Variants in PRC1 observed in about 807,000 individuals in gnomAD.
PRC1 encodes anaphase spindle elongation 1 homolog.
PRC1 carries 54 observed loss-of-function variants against 91.2 expected under a neutral mutation model. The observed-to-expected ratio is 0.59, with a 90% CI of 0.48 to 0.74. PRC1 has a LOEUF of 0.74. Among genes scored for constraint, PRC1 ranks in the 30% least tolerant of loss-of-function variants. PRC1 has a pLI of 0.00. For synonymous variants in PRC1, 275 were observed against 263.6 expected (o/e 1.04, Z -0.42); for missense variants, 727 against 746.2 (o/e 0.97, Z 0.30).
chr15:90,990,047 T>A (rs926214142), intron 1 of PRC1, among the ~76,000 whole-genome samples: 2 of 151,480 alleles, frequency 1.3e-5, no homozygotes, highest in African/African-American at 4.9e-5. Flanking sequence ...AACAATAAAA[T>A]TTTTTTTTAG....
chr15:90,980,469 G>C, intron 6 of PRC1, 80 bp from the exon 7 acceptor site: 1 of 1,073,326 alleles, frequency 9.3e-7, no homozygotes, highest in South Asian at 1.6e-5. Context: ...CCCCTTTTAA[G>C]TAAAATTATA....
At chr15:90,970,237 GT>G (rs2037992033) in intron 12 of PRC1, among the ~76,000 whole-genome samples, 166 bp downstream of exon 12, 2 of 152,120 alleles carry the variant, frequency 1.3e-5, no homozygotes, top group Non-Finnish European at 2.9e-5. Context: ...TTGCACGTTA[GT>G]TTTGGACCAT....
chr15:90,979,065 A>G (rs1178262869), intron 8 of PRC1, 93 bp downstream of exon 8: 2 of 1,408,006 alleles, frequency 1.4e-6, no homozygotes, highest in Non-Finnish European at 1.9e-6. Flanking sequence ...AAGATGGGGT[A>G]TCAAAAGCCT....
chr15:90,970,555 T>C, intron 11 of PRC1, 41 bp from the exon 12 acceptor site: 1 of 1,391,012 alleles, frequency 7.2e-7, no homozygotes, highest in Non-Finnish European at 1.0e-6. Flanking sequence ...TGCAGTAACA[T>C]CCTCAGCATT....
intron 1 of PRC1, among the ~76,000 whole-genome samples, chr15:90,987,015 T>G: frequency 6.6e-6 from 1 of 151,358 alleles, no homozygotes; most frequent in South Asian, 2.1e-4. Flanking sequence ...AGTTCACGCC[T>G]GTATTCCTAG....
chr15:90,994,256 G>T, intron 1 of PRC1, 151 bp downstream of exon 1: 1 of 1,236,374 alleles, frequency 8.1e-7, no homozygotes, highest in Non-Finnish European at 1.1e-6. Flanking sequence ...TCCAGACCCT[G>T]CCCCTCAGCG....
intron 13 of PRC1, 110 bp from the exon 14 acceptor site, chr15:90,969,230 G>T: frequency 7.7e-7 from 1 of 1,299,962 alleles, no homozygotes; most frequent in South Asian, 1.2e-5. Flanking sequence ...TTAAGCAGAA[G>T]GATCCAGGTT....
chr15:90,969,790 A>ATATATATG (rs1555450083), intron 12 of PRC1, among the ~76,000 whole-genome samples, 167 bp from the exon 13 acceptor site: 50 of 108,840 alleles, frequency 4.6e-4, no homozygotes, highest in African/African-American at 1.9e-3. Flanking sequence ...ATATATATAT[A>ATATATATG]TATATATATA....
At chr15:90,969,719 T>C (rs2037892760) in intron 12 of PRC1, 96 bp from the exon 13 acceptor site, 1 of 859,488 alleles carries the variant, frequency 1.2e-6, no homozygotes, top group Admixed American at 2.9e-5. Flanking sequence ...AGACTATCTT[T>C]ATATTCATGT....
chr15:90,978,977 G>A (rs1057039758), intron 8 of PRC1, among the ~76,000 whole-genome samples, 181 bp downstream of exon 8: 4 of 152,004 alleles, frequency 2.6e-5, no homozygotes, highest in Non-Finnish European at 4.4e-5. Context: ...TTAATTTTGG[G>A]CTTTTCTCTT....
At chr15:90,991,013 G>A (rs1375132113) in intron 1 of PRC1, among the ~76,000 whole-genome samples, 2 of 151,682 alleles carry the variant, frequency 1.3e-5, no homozygotes, top group African/African-American at 2.4e-5. Context: ...TCCTGACCTC[G>A]TGATCCGACC....
chr15:90,973,640 T>C (rs926459875), intron 11 of PRC1, among the ~76,000 whole-genome samples: 11 of 151,332 alleles, frequency 7.3e-5, no homozygotes, highest in African/African-American at 2.7e-4. Flanking sequence ...TATTCTTAGA[T>C]AGGAGAAAAC....
At chr15:90,976,797 T>C (rs1277531470) in intron 8 of PRC1, 26 bp from the exon 9 acceptor site, 3 of 1,564,864 alleles carry the variant, frequency 1.9e-6, no homozygotes, top group South Asian at 2.2e-5. Context: ...TTTTAATTAG[T>C]GGAAAACCTG....
At chr15:90,973,858 C>T (rs1567184952) in intron 11 of PRC1, among the ~76,000 whole-genome samples, 3 of 151,994 alleles carry the variant, frequency 2.0e-5, no homozygotes, top group South Asian at 2.1e-4. Flanking sequence ...GTCCTCCTGC[C>T]GCATTCCCCT....
chr15:90,969,907 A>T (rs1341911594), intron 12 of PRC1, among the ~76,000 whole-genome samples: 1 of 151,870 alleles, frequency 6.6e-6, no homozygotes, highest in African/African-American at 2.4e-5. Flanking sequence ...ACATAGCAAA[A>T]CACTGTCTCT....
At chr15:90,977,788 G>T (rs2038860978) in intron 8 of PRC1, among the ~76,000 whole-genome samples, 1 of 151,904 alleles carries the variant, frequency 6.6e-6, no homozygotes, top group South Asian at 2.1e-4. Context: ...GGGTTTCACT[G>T]TGTTAGCCAA....
chr15:90,991,789 G>A (rs8032263), intron 1 of PRC1, among the ~76,000 whole-genome samples: 4,357 of 152,186 alleles, frequency 0.029, 204 homozygotes, highest in African/African-American at 0.099. Context: ...CTGTATGGCA[G>A]GGGCCTCTTA....
rs937224144 is a variant in PRC1 at position 90,966,084 on chromosome 15, A to G, written c.*1047T>C. On this transcript the variant is annotated 3_prime_UTR_variant, in exon 15 of 15. Coordinates refer to ENST00000394249, the MANE Select transcript of PRC1 (RefSeq NM_003981.4). ...CAGATTTTAATTTATTTTTAAGAAT[A>G]ATTGTATATTTTAAAAACAGGACAC... The G allele has an allele frequency of 1.1e-4, 17 of 152,264 alleles. No homozygotes were observed. The highest frequency in any genetic ancestry group is 3.9e-4 in the African/African-American group (16 of 41,456). The allele number at this position is 152,264 out of a possible 1,614,324, so 9.4% of individuals were successfully genotyped here.
chr15:90,987,399 G>A (rs936727168), intron 1 of PRC1, among the ~76,000 whole-genome samples: 22 of 152,316 alleles, frequency 1.4e-4, no homozygotes, highest in Non-Finnish European at 3.1e-4. Context: ...TTACACAGGT[G>A]CATCAACTGT....
Sources: allele counts gnomAD v4.1 joint callset (sites outside exome capture counted in the v4.1 genomes callset), GRCh38; gene constraint gnomAD v4.1.1; transcripts MANE v1.5; gene names NCBI Gene and HGNC (gene_info 2026-07-23, HGNC 2026-07-21).